NBPF26: variants seen among roughly 807,000 people sequenced by gnomAD.
NBPF26 encodes the protein NBPF family member NBPF26.
A neutral mutation model predicts 119.6 loss-of-function variants in NBPF26; 79 were observed. The ratio of observed to expected loss-of-function variants is 0.66; its 90% CI spans 0.55 to 0.80. The LOEUF (loss-of-function observed/expected upper bound fraction) is 0.80, where lower values mean the gene tolerates loss of function less well. Ranked by LOEUF, NBPF26 falls within the 30% of genes least tolerant of loss-of-function variation. The pLI is 0.00. For missense variants in NBPF26, 800 were observed against 1,198.2 expected, an observed-to-expected ratio of 0.67 and a Z score of 4.91; for synonymous variants, 299 against 457.7, an observed-to-expected ratio of 0.65 and a Z score of 4.43.
At position 120,759,028 on chromosome 1, in the gene NBPF26, T is replaced by C. The variant is rs1373501215; in HGVS notation, c.74-4600T>C. Among the ~76,000 whole-genome samples, 277 of 109,906 alleles carry C rather than the reference T, an allele frequency of 2.5e-3. 53 individuals carry two copies. Among genetic ancestry groups the C allele is most frequent in the Non-Finnish European group, 3.8e-3 (224 of 58,964 alleles). The allele number at this position is 109,906 out of a possible 152,430, so 72.1% of individuals were successfully genotyped here. A position where few individuals can be genotyped will look rare whatever the true frequency, so the allele number is the denominator to read the frequency against. On this transcript the variant is annotated intron_variant, in intron 1 of 29. Transcript: ENST00000620612. Reference sequence around the variant, plus strand: ...TTTATTAATTTTTTAGCCACCTTTCTCTTATAGAAATAAGGTTCCTGAGGA... The same window carrying C: ...TTTATTAATTTTTTAGCCACCTTTCCCTTATAGAAATAAGGTTCCTGAGGA...
Position 120,724,233 on chromosome 1 carries a change from G to A in NBPF26, c.56G>A (p.Trp19Ter). The change falls in exon 1 of 30, where the codon TGG (tryptophan) becomes TAG (stop). Residue 19 changes from tryptophan to a stop codon, truncating the protein, a stop_gained. Coordinates refer to ENST00000620612, the Ensembl canonical transcript of NBPF26. LOFTEE classifies it high-confidence loss of function. ...GCGCTGCTGGCGCTCTGGCTGTGCT[G>A]GGCGGCCCCCGCGCATGGTGAGTAT... 7.1e-7 allele frequency: 1 copy of A among 1,404,690 alleles called. No homozygotes were observed. 87.0% of individuals were successfully genotyped at this position (1,404,690 alleles called of 1,614,324 possible).
At position 120,791,791 on chromosome 1, in the gene NBPF26, TATA is replaced by T. The variant is rs1183970741; in HGVS notation, c.416-1357_416-1355del. Among the ~76,000 whole-genome samples the T allele has an allele frequency of 2.4e-4, 19 of 78,640 alleles. 1 individual carries two copies. The highest frequency in any genetic ancestry group is 3.5e-4 in the Non-Finnish European group (16 of 45,792). The allele number at this position is 78,640 out of a possible 152,430, so 51.6% of individuals were successfully genotyped here. On this transcript the variant is annotated intron_variant, in intron 3 of 29. Coordinates refer to ENST00000620612, the Ensembl canonical transcript of NBPF26. ...TGCACGTGTACCCTAGAACTTAAAGTATAATAATAATAATAGTAATAAAAATTC... is the reference window on the plus strand; with the variant it reads ...TGCACGTGTACCCTAGAACTTAAAGTATAATAATAATAGTAATAAAAATTC...
rs1651164104 is a variant in NBPF26 at position 120,764,179 on chromosome 1, G to A, written c.155+470G>A. Among the ~76,000 whole-genome samples the A allele has an allele frequency of 1.7e-5, 2 of 114,610 alleles. 1 individual carries two copies. The highest frequency in any genetic ancestry group is 1.7e-4 in the Admixed American group (2 of 11,898). 75.2% of individuals were successfully genotyped at this position (114,610 alleles called of 152,430 possible). A position where few individuals can be genotyped will look rare whatever the true frequency, so the allele number is the denominator to read the frequency against. Reference sequence around the variant, plus strand: ...GGAGAGTGACTTGAACCCAGGAGGCGGAGGTTGCAGTGAGCTGAGACCACA... The same window carrying A: ...GGAGAGTGACTTGAACCCAGGAGGCAGAGGTTGCAGTGAGCTGAGACCACA... On this transcript the variant is annotated intron_variant, in intron 2 of 29. Coordinates refer to ENST00000620612, the Ensembl canonical transcript of NBPF26.
chr1:120,811,997 C>G, exon 10 of NBPF26: 1 of 1,275,244 alleles, frequency 7.8e-7, no homozygotes, highest in Admixed American at 2.0e-5. Flanking sequence ...AAATTGCGCC[C>G]CCAGCTGGCA....
At position 120,823,032 on chromosome 1, in the gene NBPF26, T is replaced by TG. The variant is rs1374317072; in HGVS notation, c.2588-273dup. On this transcript the variant is annotated intron_variant, in intron 16 of 29. Coordinates refer to ENST00000620612, the Ensembl canonical transcript of NBPF26. ...TTAGAACTATTTGCCTACAATTTAT[T>TG]GGGGAAAAAATTGCTCATTTGTGTA... 1.7e-4 allele frequency among the ~76,000 whole-genome samples: 21 copies of TG among 123,438 alleles called. 6 individuals carry two copies. The highest frequency in any genetic ancestry group is 7.4e-4 in the African/African-American group (19 of 25,518). The allele number at this position is 123,438 out of a possible 152,430, so 81.0% of individuals were successfully genotyped here.
At chr1:120,761,232 C>A (rs1201130932) in intron 1 of NBPF26, among the ~76,000 whole-genome samples, 2 of 121,230 alleles carry the variant, frequency 1.6e-5, no homozygotes, top group African/African-American at 7.9e-5. Context: ...AGGAACAGGC[C>A]GTGATTTTTG....
chr1:120,840,565 T>C lies in NBPF26; in HGVS notation c.4319T>C (p.Phe1440Ser), dbSNP rs1553273571. 169 of 1,465,430 alleles carry C rather than the reference T, an allele frequency of 1.2e-4. 37 individuals are homozygous for C. The highest frequency in any genetic ancestry group is 1.5e-4 in the Non-Finnish European group (161 of 1,085,504). 90.8% of individuals were successfully genotyped at this position (1,465,430 alleles called of 1,614,324 possible). ...ACGGTGACAAGTCTCCACCTGGTGT[T>C]CCAGATGGGAGTCATATTCCCACAA... Residue 1440 changes from phenylalanine (F) to serine (S), a missense_variant, in exon 30 of 30, where the codon TTC (phenylalanine) becomes TCC (serine). By Grantham distance (155) the Phe-to-Ser change is radical. This residue lies in a region of NBPF26 where 155 missense variants were observed against 95.9 expected (regional missense o/e 1.62). Coordinates refer to ENST00000620612, the Ensembl canonical transcript of NBPF26.
chr1:120,832,492 T>G (rs1350212103), intron 22 of NBPF26, among the ~76,000 whole-genome samples: 1 of 78,982 alleles, frequency 1.3e-5, no homozygotes, highest in Non-Finnish European at 2.1e-5. Context: ...CTAATTTCAG[T>G]GTCTAAAGTC....
intron 10 of NBPF26, 45 bp downstream of exon 10, chr1:120,812,140 C>T: frequency 1.0e-6 from 1 of 986,336 alleles, no homozygotes; most frequent in East Asian, 2.4e-5. Context: ...GAACGAGGTC[C>T]TGTCTTCTCT....
rs1396914326 is a variant in NBPF26, at chr1:120,823,818, T to G, written c.2640-156T>G. Reference sequence around the variant, plus strand: ...TTTCATCTTTTTCTACCTGGCCCTGTTCTATCCCAACATAAAGGCAATAAT... The same window carrying G: ...TTTCATCTTTTTCTACCTGGCCCTGGTCTATCCCAACATAAAGGCAATAAT... On this transcript the variant is annotated intron_variant, in intron 17 of 29. Coordinates refer to ENST00000620612, the Ensembl canonical transcript of NBPF26. Among the ~76,000 whole-genome samples the G allele has an allele frequency of 2.5e-4, 28 of 112,036 alleles. 1 individual carries two copies. The highest frequency in any genetic ancestry group is 6.0e-4 in the Admixed American group (7 of 11,618). The allele number at this position is 112,036 out of a possible 152,430, so 73.5% of individuals were successfully genotyped here. A position where few individuals can be genotyped will look rare whatever the true frequency, so the allele number is the denominator to read the frequency against.
Position 120,805,672 on chromosome 1 carries a change from C to G in NBPF26, c.868C>G (p.Leu290Val), listed in dbSNP as rs1553269760. 4 of 1,458,618 alleles carry G rather than the reference C, an allele frequency of 2.7e-6. 1 individual carries two copies. Among genetic ancestry groups the G allele is most frequent in the Non-Finnish European group, 3.7e-6 (4 of 1,079,626 alleles). 90.4% of individuals were successfully genotyped at this position (1,458,618 alleles called of 1,614,324 possible). A position where few individuals can be genotyped will look rare whatever the true frequency, so the allele number is the denominator to read the frequency against. The change falls in exon 5 of 30, where the codon CTG (leucine) becomes GTG (valine). Residue 290 changes from leucine to valine, a missense_variant. Physicochemically the swap from Leu to Val is conservative, Grantham distance 32 (BLOSUM62 1). Around this residue, in one of 13 missense-constraint regions of NBPF26, gnomAD observed 155 missense variants for 143.7 expected, o/e 1.08. Transcript: ENST00000620612. ...AATCAACGAGACATTGCGCCCCCAG[C>G]TGCCAGAGAACAAACAGCAGTTGAG...
intron 15 of NBPF26, among the ~76,000 whole-genome samples, chr1:120,821,830 T>A (rs1652124357): frequency 9.0e-6 from 1 of 111,254 alleles, no homozygotes; most frequent in Non-Finnish European, 1.8e-5. Flanking sequence ...GTGCTGCAAG[T>A]CATGATGGTA....
rs1444536350 is a variant in NBPF26, at chr1:120,779,441, G to C, written c.156-5533G>C. Among the ~76,000 whole-genome samples, 3 of 113,154 alleles carry C rather than the reference G, an allele frequency of 2.7e-5. No homozygotes were observed. In the East Asian group the frequency reaches 6.1e-4, roughly 23 times the overall value. 74.2% of individuals were successfully genotyped at this position (113,154 alleles called of 152,430 possible). ...TTTCTCTGTATTCACAACCTCATCT[G>C]CGAAGTATGTTCTTTCAGAGTTCAA... On this transcript the variant is annotated intron_variant, in intron 2 of 29. Transcript: ENST00000620612.
rs1480864568 is a variant in NBPF26 at position 120,818,614 on chromosome 1, G to C, written c.2423+440G>C. On this transcript the variant is annotated intron_variant, in intron 15 of 29. Transcript: ENST00000620612. ...AGGTCTTTTCTGCTTTCTCTTGTGG[G>C]CATTTAGTGCTATAATTTTCCCTCT... is the stretch of plus-strand genomic sequence containing the variant. Among the ~76,000 whole-genome samples the C allele has an allele frequency of 2.4e-5, 3 of 125,954 alleles. 1 individual carries two copies. Among genetic ancestry groups the C allele is most frequent in the East Asian group, 2.0e-4 (1 of 5,066 alleles). The allele number at this position is 125,954 out of a possible 152,430, so 82.6% of individuals were successfully genotyped here.
chr1:120,806,944 T>C (rs1651705634), intron 5 of NBPF26, among the ~76,000 whole-genome samples: 1 of 123,638 alleles, frequency 8.1e-6, no homozygotes, highest in African/African-American at 4.1e-5. Flanking sequence ...CTATCTATTC[T>C]TCATTCTGAT....
At chr1:120,760,173 A>G (rs1269454978) in intron 1 of NBPF26, among the ~76,000 whole-genome samples, 1 of 43,122 alleles carries the variant, frequency 2.3e-5, no homozygotes, top group Non-Finnish European at 3.9e-5. Flanking sequence ...GTATATATCT[A>G]CCACAGCTTT....
Position 120,823,316 on chromosome 1 carries a change from G to C in NBPF26, c.2595G>C (p.Arg865=), listed in dbSNP as rs1417027859. Residue 865 remains arginine, a synonymous_variant, in exon 17 of 30, where the codon CGG becomes CGC. Transcript: ENST00000620612. The stretch of plus-strand genomic sequence containing the variant: ...ATCTGAATTTATTTGCAGGACATCG[G>C]TGGGATCAAGTGAAAAAGGAGGACC... 7.9e-6 allele frequency: 11 copies of C among 1,400,028 alleles called. 2 individuals carry two copies. In the African/African-American group the frequency reaches 8.0e-5, roughly 10 times the overall value. The allele number at this position is 1,400,028 out of a possible 1,614,324, so 86.7% of individuals were successfully genotyped here.
rs1651812922 is a variant in NBPF26, at chr1:120,809,806, T to C, written c.1280-5T>C. The C allele has an allele frequency of 6.5e-7, 1 of 1,532,006 alleles. No homozygotes were observed. Among genetic ancestry groups the C allele is most frequent in the Admixed American group, 1.8e-5 (1 of 56,998 alleles). The allele number at this position is 1,532,006 out of a possible 1,614,324, so 94.9% of individuals were successfully genotyped here. On this transcript the variant is annotated splice_polypyrimidine_tract_variant and splice_region_variant and intron_variant, in intron 7 of 29. Transcript: ENST00000620612. ...AATATCTGAACGAACATTTTGTATTTATAGAAAATGACGAAGATGAGGATG... is the reference window on the plus strand; with the variant it reads ...AATATCTGAACGAACATTTTGTATTCATAGAAAATGACGAAGATGAGGATG...
At chr1:120,785,120 G>T in exon 3 of NBPF26, 1 of 1,446,394 alleles carries the variant, frequency 6.9e-7, no homozygotes, top group Admixed American at 1.9e-5. Context: ...GGAGAGGACT[G>T]CCAGTACTCG....
Sources: allele counts gnomAD v4.1 joint callset (sites outside exome capture counted in the v4.1 genomes callset), GRCh38; gene constraint gnomAD v4.1.1; regional missense constraint gnomAD v4.1.1; transcripts MANE v1.5; gene names NCBI Gene and HGNC (gene_info 2026-07-23, HGNC 2026-07-21).